Variants in PRDX6 observed in about 807,000 individuals in gnomAD.
The protein encoded by PRDX6 is peroxiredoxin 6.
Under a neutral mutation model 20.0 loss-of-function variants are expected in PRDX6, and 13 were observed. That is an observed-to-expected ratio of 0.65 (90% CI 0.42 to 1.03). The LOEUF (loss-of-function observed/expected upper bound fraction) is 1.03, where lower values mean the gene tolerates loss of function less well. Ranked by LOEUF, PRDX6 falls within the 50% of genes least tolerant of loss-of-function variation. The probability of loss-of-function intolerance (pLI) is 0.00; values close to 1 mark genes in which losing one functional copy is unlikely to be tolerated. For synonymous variants in PRDX6, 85 were observed against 100.8 expected, an observed-to-expected ratio of 0.84 and a Z score of 0.94; for missense variants, 203 against 276.9, an observed-to-expected ratio of 0.73 and a Z score of 1.89.
chr1:173,481,081 C>G, intron 1 of PRDX6: 1 of 459,612 alleles, frequency 2.2e-6, no homozygotes, highest in Non-Finnish European at 3.9e-6. Context: ...TAACATTAGT[C>G]TTTTTAAATA....
intron 2 of PRDX6, among the ~76,000 whole-genome samples, chr1:173,484,172 A>ATATATATATATATT (rs1557997419): frequency 2.2e-5 from 2 of 91,254 alleles, no homozygotes; most frequent in Admixed American, 1.0e-4. Context: ...ATATATTTAT[A>ATATATATATATATT]TATATACACA....
At chr1:173,486,659 C>T (rs993655080) in intron 4 of PRDX6, among the ~76,000 whole-genome samples, 1 of 152,022 alleles carries the variant, frequency 6.6e-6, no homozygotes, top group Non-Finnish European at 1.5e-5. Flanking sequence ...GATTCCTTTT[C>T]CTAATAGAAG....
intron 1 of PRDX6, 53 bp downstream of exon 1, chr1:173,477,545 G>A: frequency 7.0e-7 from 1 of 1,430,650 alleles, no homozygotes; most frequent in East Asian, 2.6e-5. Flanking sequence ...CGGACTCGGA[G>A]GTGCCTTCCC....
intron 3 of PRDX6, among the ~76,000 whole-genome samples, chr1:173,485,755 G>A (rs1468271311): frequency 1.3e-5 from 2 of 152,132 alleles, no homozygotes; most frequent in Non-Finnish European, 2.9e-5. Context: ...TTCCAGAATT[G>A]AGAAACCTTT....
chr1:173,486,488 T>C, intron 4 of PRDX6, 87 bp downstream of exon 4: 1 of 1,390,620 alleles, frequency 7.2e-7, no homozygotes, highest in Non-Finnish European at 9.7e-7. Context: ...GTTACCTGTT[T>C]CTAGCACGCA....
intron 2 of PRDX6, among the ~76,000 whole-genome samples, chr1:173,483,824 C>T (rs892087121): frequency 2.6e-5 from 4 of 151,958 alleles, no homozygotes; most frequent in Non-Finnish European, 5.9e-5. Context: ...CGTTCCTGGC[C>T]GGGCACAGTG....
intron 4 of PRDX6, among the ~76,000 whole-genome samples, chr1:173,487,075 G>A (rs567038556): frequency 1.3e-5 from 2 of 152,300 alleles, no homozygotes; most frequent in East Asian, 1.9e-4. Flanking sequence ...ATAATAGAAA[G>A]TCCTTGCCCT....
intron 2 of PRDX6, chr1:173,481,715 C>G: frequency 2.1e-6 from 1 of 472,924 alleles, no homozygotes; most frequent in South Asian, 2.9e-5. Context: ...ATCACTGTAC[C>G]TCCTGAAACT....
intron 2 of PRDX6, among the ~76,000 whole-genome samples, chr1:173,484,116 CAAA>C (rs1231778337): frequency 2.8e-4 from 14 of 50,448 alleles, no homozygotes; most frequent in African/African-American, 1.9e-4. Flanking sequence ...GACTCTGTCT[CAAA>C]AAAAAAAAAA....
At chr1:173,487,255 C>T (rs1379848960) in intron 4 of PRDX6, among the ~76,000 whole-genome samples, 1 of 152,154 alleles carries the variant, frequency 6.6e-6, no homozygotes, top group Non-Finnish European at 1.5e-5. Context: ...TGGAGAAAAA[C>T]ACAGAGAAGA....
rs1332652320 is a variant in PRDX6 at position 173,486,327 on chromosome 1, G to A, written c.472G>A (p.Asp158Asn). ...CCCAGCTACCACTGGCAGGAACTTT[G>A]ATGAGATTCTCAGGGTAGTCATCTC... ...LYPATTGRNF[D>N]EILRVVISLQ... Residue 158 changes from aspartate to asparagine, a missense_variant, in exon 4 of 5, where the codon GAT (aspartate) becomes AAT (asparagine). Physicochemically the swap from Asp to Asn is conservative, Grantham distance 23. Coordinates refer to ENST00000340385, the MANE Select transcript of PRDX6 (RefSeq NM_004905.3). The A allele has an allele frequency of 6.2e-7, 1 of 1,612,574 alleles. No individual in the cohort carries two copies. The highest frequency in any genetic ancestry group is 1.7e-5 in the Admixed American group (1 of 59,796).
At position 173,485,415 on chromosome 1, in the gene PRDX6, A is replaced by G; in HGVS notation, c.307A>G (p.Ile103Val). 1 of 1,610,482 alleles carries G rather than the reference A, an allele frequency of 6.2e-7. No homozygotes were observed. The highest frequency in any genetic ancestry group is 8.5e-7 in the Non-Finnish European group (1 of 1,178,288). ...CACAGAAAAGTTACCTTTTCCCATC[A>G]TCGATGATAGGAATCGGGAGCTTGC... ...EPTEKLPFPI[I>V]DDRNRELAIL... The change falls in exon 3 of 5, where the codon ATC (isoleucine) becomes GTC (valine). Residue 103 changes from isoleucine to valine, a missense_variant. Transcript: ENST00000340385.
At chr1:173,481,138 A>C in intron 1 of PRDX6, 188 bp from the exon 2 acceptor site, 1 of 591,438 alleles carries the variant, frequency 1.7e-6, no homozygotes, top group Non-Finnish European at 3.0e-6. Flanking sequence ...GGCTATAAGC[A>C]TAGGCTTCTC....
At chr1:173,478,516 T>C (rs987697410) in intron 1 of PRDX6, among the ~76,000 whole-genome samples, 4 of 144,226 alleles carry the variant, frequency 2.8e-5, no homozygotes, top group Non-Finnish European at 6.1e-5. Flanking sequence ...GGTGTTGCCC[T>C]TTTTTTTTTT....
chr1:173,481,421 G>A lies in PRDX6; in HGVS notation c.191G>A (p.Arg64Lys), dbSNP rs1218375331. The A allele has an allele frequency of 2.5e-6, 4 of 1,614,112 alleles. No individual in the cohort carries two copies. The highest frequency in any genetic ancestry group is 1.7e-5 in the Admixed American group (1 of 60,022). ...AAGCTGGCACCAGAATTTGCCAAGA[G>A]GAATGTTAAGTTGATTGCCCTTTCA... ...AAKLAPEFAK[R>K]NVKLIALSID... Residue 64 changes from arginine to lysine, a missense_variant, in exon 2 of 5, where the codon AGG (arginine) becomes AAG (lysine). Physicochemically the swap from Arg to Lys is conservative, Grantham distance 26. Transcript: ENST00000340385.
intron 1 of PRDX6, 68 bp from the exon 2 acceptor site, chr1:173,481,258 C>T: frequency 6.9e-7 from 1 of 1,446,704 alleles, no homozygotes; most frequent in Non-Finnish European, 9.5e-7. Flanking sequence ...GAAGTTGTGA[C>T]TTTTCATTCT....
chr1:173,487,912 TTG>T lies in PRDX6; in HGVS notation c.*53_*54del. The T allele has an allele frequency of 4.4e-6, 7 of 1,606,128 alleles. No homozygotes were observed. The highest frequency in any genetic ancestry group is 6.0e-6 in the Non-Finnish European group (7 of 1,176,250). ...TGAGCCAGAGGATGTCAGCTGCCAA[TTG>T]TGTTTTCCTGCAGCAATTCCATAAA... On this transcript the variant is annotated 3_prime_UTR_variant, in exon 5 of 5. Transcript: ENST00000340385.
intron 1 of PRDX6, 123 bp from the exon 2 acceptor site, chr1:173,481,203 T>C (rs992272502): frequency 5.2e-6 from 5 of 969,826 alleles, no homozygotes; most frequent in Middle Eastern, 3.3e-4. Flanking sequence ...AAAGTAAATA[T>C]CATCATAAGC....
In PRDX6 at chr1:173,481,440, C is replaced by T. The variant is rs766798941; in HGVS notation, c.210C>T (p.Ala70=). 44 of 1,613,986 alleles carry T rather than the reference C, an allele frequency of 2.7e-5. No individual in the cohort carries two copies. The East Asian group carries it at 9.8e-4, about 36-fold the overall frequency. Residue 70 remains alanine, a synonymous_variant, in exon 2 of 5, where the codon GCC becomes GCT. Coordinates refer to ENST00000340385, the MANE Select transcript of PRDX6 (RefSeq NM_004905.3). ...EFAKRNVKLI[A]LSIDSVEDHL... ...CCAAGAGGAATGTTAAGTTGATTGC[C>T]CTTTCAATAGACAGTGTTGAGGACC...
Sources: gnomAD v4.1 joint callset for allele counts (sites outside exome capture counted in the v4.1 genomes callset) on GRCh38, gnomAD v4.1.1 for gene constraint, MANE v1.5 for transcripts, NCBI Gene and HGNC (gene_info 2026-07-23, HGNC 2026-07-21) for gene names.